SMG7: variants seen among roughly 807,000 people sequenced by gnomAD.
SMG7 encodes nonsense-mediated mRNA decay factor SMG7.
Under a neutral mutation model 148.2 loss-of-function variants are expected in SMG7, and 34 were observed. The observed-to-expected ratio is 0.23, with a 90% CI of 0.17 to 0.31. The LOEUF (loss-of-function observed/expected upper bound fraction) is 0.31. Ranked by LOEUF, SMG7 falls within the 10% of genes least tolerant of loss-of-function variation. The probability of loss-of-function intolerance (pLI) is 1.00; values close to 1 mark genes in which losing one functional copy is unlikely to be tolerated. For synonymous variants in SMG7, 492 were observed against 515.1 expected (o/e 0.96, Z 0.61); for missense variants, 1,114 against 1,408.4 (o/e 0.79, Z 3.35).
chr1:183,493,654 T>A (rs1221138599), intron 1 of SMG7, among the ~76,000 whole-genome samples: 5 of 152,332 alleles, frequency 3.3e-5, no homozygotes, highest in Admixed American at 3.3e-4. Flanking sequence ...CAATCTCGGC[T>A]GATTGCAACC....
intron 16 of SMG7, 75 bp downstream of exon 16, chr1:183,545,387 C>T (rs1370348443): frequency 6.7e-7 from 1 of 1,484,586 alleles, no homozygotes; most frequent in Non-Finnish European, 9.1e-7. Context: ...GTTAGAAATG[C>T]TCATTAAACT....
chr1:183,544,376 A>G lies in SMG7; in HGVS notation c.1866A>G (p.Arg622=). 6.2e-7 allele frequency: 1 copy of G among 1,613,932 alleles called. No individual in the cohort carries two copies. The highest frequency in any genetic ancestry group is 8.5e-7 in the Non-Finnish European group (1 of 1,179,862). ...AVQVKSQTEL[R]KTPVSEARKT... is the part of the protein sequence containing the mutation. Reference sequence around the variant, plus strand: ...AGGTAAAATCCCAGACAGAACTAAGAAAGACTCCAGTGTCTGAAGCCAGAA... The same window carrying G: ...AGGTAAAATCCCAGACAGAACTAAGGAAGACTCCAGTGTCTGAAGCCAGAA... The change falls in exon 15 of 23, where the codon AGA becomes AGG. Residue 622 remains arginine, a synonymous_variant. Transcript: ENST00000688051.
At chr1:183,520,118 TATTATA>T (rs1664451732) in intron 4 of SMG7, among the ~76,000 whole-genome samples, 1 of 152,016 alleles carries the variant, frequency 6.6e-6, no homozygotes, top group East Asian at 1.9e-4. Context: ...AACAAATAGA[TATTATA>T]ATTCAAATCT....
rs1558005232 is a variant in SMG7 at position 183,515,851 on chromosome 1, A to ATGTTTT, written c.62-12_62-7dup. On this transcript the variant is annotated intron_variant, in intron 2 of 22. Coordinates refer to ENST00000688051, the MANE Select transcript of SMG7 (RefSeq NM_001375584.1). ...TGCTGGGGTTTATCTATCTACCGTT[A>ATGTTTT]TGTTTTTGTTTTTGTTACTCAGATT... The ATGTTTT allele has an allele frequency of 5.4e-6, 8 of 1,467,934 alleles. No homozygotes were observed. In the Admixed American group the frequency reaches 6.7e-5, roughly 12 times the overall value. 90.9% of individuals were successfully genotyped at this position (1,467,934 alleles called of 1,614,324 possible).
chr1:183,542,510 G>A lies in SMG7; in HGVS notation c.1842+8G>A. 2.5e-6 allele frequency: 4 copies of A among 1,603,816 alleles called. No homozygotes were observed. Among genetic ancestry groups the A allele is most frequent in the Non-Finnish European group, 3.4e-6 (4 of 1,175,270 alleles). On this transcript the variant is annotated splice_region_variant and intron_variant, in intron 14 of 22. Coordinates refer to ENST00000688051, the MANE Select transcript of SMG7 (RefSeq NM_001375584.1). ...CAGAATGTGGCAGTGCAGGTAAGCTGTATTTGAACTATAAAGCAGGTAGAG... is the reference window on the plus strand; with the variant it reads ...CAGAATGTGGCAGTGCAGGTAAGCTATATTTGAACTATAAAGCAGGTAGAG...
At chr1:183,474,957 A>G (rs192656951) in intron 1 of SMG7, among the ~76,000 whole-genome samples, 115 of 152,342 alleles carry the variant, frequency 7.5e-4, no homozygotes, top group African/African-American at 2.6e-3. Context: ...CCAGTTAGAC[A>G]ACAAGGTAGT....
chr1:183,494,796 T>G (rs1244896801), intron 1 of SMG7, among the ~76,000 whole-genome samples: 1 of 122,844 alleles, frequency 8.1e-6, no homozygotes, highest in Non-Finnish European at 1.6e-5. Context: ...AGATGGTGTC[T>G]CGCTCTGTTG....
At chr1:183,486,999 C>G (rs543260221) in intron 1 of SMG7, among the ~76,000 whole-genome samples, 15 of 152,134 alleles carry the variant, frequency 9.9e-5, no homozygotes, top group African/African-American at 3.1e-4. Context: ...TTTTTAGTTG[C>G]AAGGAACAGA....
intron 1 of SMG7, among the ~76,000 whole-genome samples, chr1:183,485,996 C>G (rs191664791): frequency 1.3e-5 from 2 of 152,284 alleles, no homozygotes; most frequent in East Asian, 3.9e-4. Context: ...TACTCACTTC[C>G]CAGTCTTAAT....
chr1:183,495,112 C>T (rs1179617162), intron 1 of SMG7, among the ~76,000 whole-genome samples: 1 of 152,002 alleles, frequency 6.6e-6, no homozygotes, highest in Non-Finnish European at 1.5e-5. Flanking sequence ...CAGGCGTGAG[C>T]CACCGTGCCC....
At chr1:183,535,276 C>CTG (rs1667553541) in intron 10 of SMG7, among the ~76,000 whole-genome samples, 1 of 152,072 alleles carries the variant, frequency 6.6e-6, no homozygotes, top group African/African-American at 2.4e-5. Context: ...TTGGCCCATT[C>CTG]TGTGTGTTCC....
intron 20 of SMG7, chr1:183,550,232 GA>G (rs1670750690): frequency 3.7e-6 from 1 of 272,100 alleles, no homozygotes; most frequent in Admixed American, 4.8e-5. Flanking sequence ...ATTCTTTGCA[GA>G]AAAATTGCAC....
intron 4 of SMG7, among the ~76,000 whole-genome samples, chr1:183,525,576 GT>G (rs984708619): frequency 1.3e-5 from 2 of 152,066 alleles, no homozygotes; most frequent in African/African-American, 4.8e-5. Flanking sequence ...TTTTGTTCTT[GT>G]TTTTTTCTGT....
In SMG7 at chr1:183,479,832, A is replaced by G. The variant is rs567971383; in HGVS notation, c.29+7183A>G. On this transcript the variant is annotated intron_variant, in intron 1 of 22. Transcript: ENST00000688051. ...GAGAGGGTGTCTTTGAGGAGGTGAG[A>G]TTTGGTTTGTACATTGAAAGATGGA... Among the ~76,000 whole-genome samples, 12 of 152,188 alleles carry G rather than the reference A, an allele frequency of 7.9e-5. No homozygotes were observed. The South Asian group carries it at 2.3e-3, about 29-fold the overall frequency.
intron 14 of SMG7, 126 bp downstream of exon 14, chr1:183,542,628 A>G: frequency 1.4e-6 from 1 of 722,710 alleles, no homozygotes; most frequent in Non-Finnish European, 2.3e-6. Flanking sequence ...TTAATTGCAT[A>G]GTAAGGTTAT....
intron 1 of SMG7, among the ~76,000 whole-genome samples, chr1:183,488,528 T>C (rs192922580): frequency 7.1e-4 from 108 of 152,292 alleles, no homozygotes; most frequent in African/African-American, 2.5e-3. Context: ...TTAAATAGAA[T>C]GAAATTTAAG....
chr1:183,551,185 C>T lies in SMG7; in HGVS notation c.3445C>T (p.Leu1149=). The change falls in exon 22 of 23, where the codon CTA becomes TTA. Residue 1149 remains leucine, a synonymous_variant. Coordinates refer to ENST00000688051, the MANE Select transcript of SMG7 (RefSeq NM_001375584.1). The part of the protein sequence containing the change: ...EDSSAVLMES[L]KSIWSSSMMH... The stretch of plus-strand genomic sequence containing the variant: ...TTCCTCTGCTGTCCTCATGGAAAGC[C>T]TAAAGGTGAGTAGATTTCAGGAACA... 2 of 1,566,024 alleles carry T rather than the reference C, an allele frequency of 1.3e-6. No individual in the cohort carries two copies. The highest frequency in any genetic ancestry group is 1.7e-6 in the Non-Finnish European group (2 of 1,163,606).
chr1:183,538,010 G>T (rs1009088188), intron 11 of SMG7, among the ~76,000 whole-genome samples: 1 of 152,078 alleles, frequency 6.6e-6, no homozygotes, highest in South Asian at 2.1e-4. Flanking sequence ...CCAAGATTCT[G>T]CATTTCTTAC....
chr1:183,512,808 CTTTTTTTTTTT>C lies in SMG7; in HGVS notation c.30-19_30-9del. The C allele has an allele frequency of 2.3e-6, 3 of 1,278,634 alleles. No individual in the cohort carries two copies. Among genetic ancestry groups the C allele is most frequent in the South Asian group, 3.3e-5 (2 of 61,278 alleles). 79.2% of individuals were successfully genotyped at this position (1,278,634 alleles called of 1,614,324 possible). A position where few individuals can be genotyped will look rare whatever the true frequency, so the allele number is the denominator to read the frequency against. ...GCCTCGTTTGTTTCTAACTGATACT[CTTTTTTTTTTT>C]TTTTTTTTTCTATCTAGGCAGGCAG... On this transcript the variant is annotated intron_variant, in intron 1 of 22. Transcript: ENST00000688051.
Sources: allele counts gnomAD v4.1 joint callset (sites outside exome capture counted in the v4.1 genomes callset), GRCh38; gene constraint gnomAD v4.1.1; transcripts MANE v1.5; gene names NCBI Gene and HGNC (gene_info 2026-07-23, HGNC 2026-07-21).